Variants in AUTS2 observed in about 807,000 individuals in gnomAD.
AUTS2 encodes autism susceptibility gene 2 protein.
In AUTS2, 17 loss-of-function variants were observed where a neutral mutation model predicts 112.4. The observed-to-expected ratio is 0.15, with a 90% confidence interval of 0.10 to 0.23. The LOEUF is 0.23. Among genes scored for constraint, AUTS2 ranks in the 10% least tolerant of loss-of-function variants. The pLI, the probability that AUTS2 is intolerant of heterozygous loss-of-function variation, is 1.00. For synonymous variants in AUTS2, 751 were observed against 702.7 expected, an observed-to-expected ratio of 1.07 and a Z score of -1.09; for missense variants, 1,510 against 1,701.6, an observed-to-expected ratio of 0.89 and a Z score of 1.98.
chr7:70,398,759 A>T (rs1794196189), intron 4 of AUTS2, among the ~76,000 whole-genome samples: 1 of 152,146 alleles, frequency 6.6e-6, no homozygotes, highest in Admixed American at 6.5e-5. Flanking sequence ...AACAATATTT[A>T]ATAGAGGTGA....
At chr7:70,196,765 T>C (rs765546368) in intron 4 of AUTS2, among the ~76,000 whole-genome samples, 4 of 152,244 alleles carry the variant, frequency 2.6e-5, no homozygotes, top group Non-Finnish European at 5.9e-5. Context: ...AGGCAAACTT[T>C]TGTGCACATT....
intron 4 of AUTS2, among the ~76,000 whole-genome samples, chr7:70,152,724 A>G (rs1045645219): frequency 7.2e-5 from 11 of 152,204 alleles, no homozygotes; most frequent in African/African-American, 2.7e-4. Flanking sequence ...AAGGCAATAT[A>G]CAAATGGCAA....
intron 2 of AUTS2, among the ~76,000 whole-genome samples, chr7:70,106,906 G>T (rs567284649): frequency 3.3e-5 from 5 of 152,024 alleles, no homozygotes; most frequent in Non-Finnish European, 7.4e-5. Context: ...ATAAGAAAAG[G>T]AGTGGTTTTT....
At chr7:70,633,500 G>T (rs1805376312) in intron 5 of AUTS2, among the ~76,000 whole-genome samples, 1 of 151,642 alleles carries the variant, frequency 6.6e-6, no homozygotes, top group Non-Finnish European at 1.5e-5. Flanking sequence ...AATCCCAGCT[G>T]CTCGGGAGGC....
rs116707002 is a variant in AUTS2 at position 70,345,022 on chromosome 7, T to C, written c.661-90730T>C. On this transcript the variant is annotated intron_variant, in intron 4 of 18. Transcript: ENST00000342771. The stretch of plus-strand genomic sequence containing the variant: ...CAATGTGCCTTTGACTCAGAGAAGT[T>C]TGGAAACAAAGCCCTCTGTATAATA... Among the ~76,000 whole-genome samples the C allele has an allele frequency of 4.4e-3, 666 of 152,312 alleles. 8 individuals carry two copies. The highest frequency in any genetic ancestry group is 0.016 in the African/African-American group (649 of 41,558).
At chr7:70,047,544 T>G (rs1801563145) in intron 2 of AUTS2, among the ~76,000 whole-genome samples, 1 of 152,220 alleles carries the variant, frequency 6.6e-6, no homozygotes, top group South Asian at 2.1e-4. Flanking sequence ...AGAGCATGAC[T>G]TGGGCTTGGA....
intron 5 of AUTS2, among the ~76,000 whole-genome samples, chr7:70,576,788 A>T (rs1167022589): frequency 2.0e-5 from 3 of 152,230 alleles, no homozygotes. Context: ...CGCCACTAGG[A>T]TAAAGGATTT....
intron 2 of AUTS2, among the ~76,000 whole-genome samples, chr7:70,004,281 G>A (rs1343296379): frequency 8.1e-6 from 1 of 123,292 alleles, no homozygotes; most frequent in African/African-American, 2.9e-5. Flanking sequence ...ATATGAATGT[G>A]TTATATATGA....
chr7:70,063,097 C>T (rs1802327229), intron 2 of AUTS2, among the ~76,000 whole-genome samples: 1 of 152,102 alleles, frequency 6.6e-6, no homozygotes, highest in African/African-American at 2.4e-5. Context: ...GTCCCCTTTC[C>T]CAACATCCCC....
chr7:69,610,895 C>T (rs947960053), intron 1 of AUTS2, among the ~76,000 whole-genome samples: 1 of 152,174 alleles, frequency 6.6e-6, no homozygotes, highest in Non-Finnish European at 1.5e-5. Flanking sequence ...AAAAGCAGGG[C>T]TGCATTGTTA....
At chr7:70,297,016 T>TC (rs2129612775) in intron 4 of AUTS2, among the ~76,000 whole-genome samples, 1 of 150,730 alleles carries the variant, frequency 6.6e-6, no homozygotes, top group East Asian at 2.0e-4. Flanking sequence ...TTTTTTTTTT[T>TC]TTTTTTTTCA....
intron 4 of AUTS2, among the ~76,000 whole-genome samples, chr7:70,334,749 A>G (rs1790912984): frequency 6.6e-6 from 1 of 152,192 alleles, no homozygotes. Context: ...GTCATGTAAA[A>G]CAAAGAAAAA....
At chr7:70,377,531 T>G (rs967972878) in intron 4 of AUTS2, among the ~76,000 whole-genome samples, 1 of 150,930 alleles carries the variant, frequency 6.6e-6, no homozygotes, top group African/African-American at 2.4e-5. Flanking sequence ...TTTAATGGCA[T>G]TAAATACATT....
chr7:70,411,994 A>G (rs986884496), intron 4 of AUTS2, among the ~76,000 whole-genome samples: 1 of 146,110 alleles, frequency 6.8e-6, no homozygotes, highest in Non-Finnish European at 1.5e-5. Flanking sequence ...TCGTGGGTTC[A>G]AGCAATTCTT....
At chr7:69,648,749 G>C (rs1795155437) in intron 1 of AUTS2, among the ~76,000 whole-genome samples, 1 of 152,118 alleles carries the variant, frequency 6.6e-6, no homozygotes, top group Non-Finnish European at 1.5e-5. Flanking sequence ...GAAGGGACCT[G>C]TTATTGATTA....
chr7:70,369,438 A>G (rs968527182), intron 4 of AUTS2, among the ~76,000 whole-genome samples: 1 of 152,168 alleles, frequency 6.6e-6, no homozygotes, highest in Non-Finnish European at 1.5e-5. Context: ...GAAGAGTTTC[A>G]TGGAACAGAT....
At chr7:70,747,003 C>T (rs1048431102) in intron 6 of AUTS2, among the ~76,000 whole-genome samples, 1 of 152,042 alleles carries the variant, frequency 6.6e-6, no homozygotes, top group African/African-American at 2.4e-5. Flanking sequence ...TGCTGTGATT[C>T]TGAGCTTAGA....
At chr7:69,787,002 A>G (rs1789406098) in intron 1 of AUTS2, among the ~76,000 whole-genome samples, 1 of 152,240 alleles carries the variant, frequency 6.6e-6, no homozygotes, top group South Asian at 2.1e-4. Context: ...TATCATTTAT[A>G]GGCAAGTAAA....
intron 6 of AUTS2, among the ~76,000 whole-genome samples, chr7:70,720,066 T>G (rs1810580046): frequency 6.6e-6 from 1 of 152,148 alleles, no homozygotes; most frequent in Admixed American, 6.5e-5. Flanking sequence ...CTCTTTTCTT[T>G]CCCTTGCTGT....
Sources: gnomAD v4.1 joint callset for allele counts (sites outside exome capture counted in the v4.1 genomes callset) on GRCh38, gnomAD v4.1.1 for gene constraint, MANE v1.5 for transcripts, NCBI Gene and HGNC (gene_info 2026-07-23, HGNC 2026-07-21) for gene names.